The following CBX7 variants were observed in gnomAD, a reference collection of about 807,000 sequenced individuals.
CBX7 encodes the protein chromobox 7, also known as chromobox protein homolog 7.
A neutral mutation model predicts 31.4 loss-of-function variants in CBX7; 14 were observed. The ratio of observed to expected loss-of-function variants is 0.45; its 90% confidence interval spans 0.29 to 0.70. The LOEUF is 0.70. CBX7 is among the 30% of genes least tolerant of loss of function. The pLI is 0.11. For synonymous variants in CBX7, 159 were observed against 152.6 expected (o/e 1.04, Z -0.31); for missense variants, 269 against 351.9 (o/e 0.76, Z 1.89).
rs182470529 is a variant in CBX7 at position 39,141,742 on chromosome 22, C to T, written c.114-306G>A. Among the ~76,000 whole-genome samples, 67 of 144,062 alleles carry T rather than the reference C, an allele frequency of 4.7e-4. 1 individual carries two copies. The highest frequency in any genetic ancestry group is 1.7e-3 in the African/African-American group (66 of 38,314). 94.5% of individuals were successfully genotyped at this position (144,062 alleles called of 152,430 possible). A position where few individuals can be genotyped will look rare whatever the true frequency, so the allele number is the denominator to read the frequency against. The stretch of plus-strand genomic sequence containing the variant: ...CCAGCCTGGGTGACAGAGTAAGACT[C>T]TAAAAAAAAAAAAAAAAGGTCAGAG... On this transcript the variant is annotated intron_variant, in intron 2 of 5. Coordinates refer to ENST00000216133, the MANE Select transcript of CBX7 (RefSeq NM_175709.5).
At chr22:39,138,748 A>G in intron 3 of CBX7, 46 bp from the exon 4 acceptor site, 2 of 1,576,860 alleles carry the variant, frequency 1.3e-6, no homozygotes, top group Non-Finnish European at 1.7e-6. Flanking sequence ...CACTGGTGAC[A>G]TCTAAGGGAA....
intron 2 of CBX7, among the ~76,000 whole-genome samples, chr22:39,143,569 G>GT (rs1290383200): frequency 3.3e-5 from 5 of 152,206 alleles, no homozygotes; most frequent in African/African-American, 9.7e-5. Flanking sequence ...TTAGTGTAGC[G>GT]TAAGTGTACA....
At chr22:39,146,818 T>G (rs919804285) in intron 2 of CBX7, among the ~76,000 whole-genome samples, 4 of 152,098 alleles carry the variant, frequency 2.6e-5, no homozygotes, top group African/African-American at 9.7e-5. Flanking sequence ...GGAGAACCAT[T>G]CACAAGTGGG....
chr22:39,142,286 G>GCAAA (rs1930487123), intron 2 of CBX7, among the ~76,000 whole-genome samples: 11 of 152,176 alleles, frequency 7.2e-5, no homozygotes, highest in Admixed American at 7.2e-4. Context: ...TGCTGCTGTT[G>GCAAA]CTGTTCCTCC....
chr22:39,139,005 C>T (rs763125573), intron 3 of CBX7, among the ~76,000 whole-genome samples: 5 of 152,350 alleles, frequency 3.3e-5, no homozygotes, highest in Admixed American at 1.3e-4. Flanking sequence ...CTCTGCTCTA[C>T]GTGCTCCTAA....
chr22:39,147,086 C>CTTTTTTTT lies in CBX7; in HGVS notation c.113+2695_113+2702dup, dbSNP rs34901545. The stretch of plus-strand genomic sequence containing the variant: ...GCCTAGGCCTGGCACAAAGTGTCCA[C>CTTTTTTTT]TTTTTTTTTTTTTTTTTTTTTTTTT... On this transcript the variant is annotated intron_variant, in intron 2 of 5. Transcript: ENST00000216133. The CTTTTTTTT allele has an allele frequency of 7.1e-4, 44 of 62,344 alleles. 2 individuals are homozygous for CTTTTTTTT. Among genetic ancestry groups the CTTTTTTTT allele is most frequent in the African/African-American group, 2.8e-3 (36 of 13,036 alleles). 3.9% of individuals were successfully genotyped at this position (62,344 alleles called of 1,614,324 possible). A position where few individuals can be genotyped will look rare whatever the true frequency, so the allele number is the denominator to read the frequency against.
At chr22:39,148,055 A>C (rs2146370714) in intron 2 of CBX7, 2 of 152,384 alleles carry the variant, frequency 1.3e-5, no homozygotes, top group Admixed American at 1.3e-4. Context: ...GCAGAGACCC[A>C]GCCATGGTGG....
chr22:39,146,336 A>G (rs1930660710), intron 2 of CBX7, among the ~76,000 whole-genome samples: 1 of 152,238 alleles, frequency 6.6e-6, no homozygotes, highest in African/African-American at 2.4e-5. Flanking sequence ...GCCTGGGTGG[A>G]GACAGCTCCC....
intron 4 of CBX7, chr22:39,136,514 A>G: frequency 6.6e-6 from 1 of 152,426 alleles, no homozygotes; most frequent in Non-Finnish European, 1.5e-5. Context: ...CCACATGGTG[A>G]GGACCAGTCC....
In CBX7 at chr22:39,134,437, C is replaced by T. The variant is rs769000260; in HGVS notation, c.562G>A (p.Glu188Lys). ...GGGGGCTGCGCAGCAGGCTCCCACT[C>T]GCCAGCCGCCTGCAGGACGTCTGGG... is the stretch of plus-strand genomic sequence containing the variant. ...PAPDVLQAAG[E>K]WEPAAQPPEE... is the part of the protein sequence containing the mutation. Residue 188 changes from glutamate to lysine, a missense_variant, in exon 5 of 6, where the codon GAG (glutamate) becomes AAG (lysine). Glu to Lys is a moderately conservative substitution (Grantham distance 56). Around this residue, in one of 2 missense-constraint regions of CBX7, gnomAD observed 222 missense variants for 240.4 expected, o/e 0.92. Transcript: ENST00000216133. 3.7e-6 allele frequency: 6 copies of T among 1,603,764 alleles called. No individual in the cohort carries two copies. Among genetic ancestry groups the T allele is most frequent in the South Asian group, 1.1e-5 (1 of 90,956 alleles).
intron 4 of CBX7, among the ~76,000 whole-genome samples, chr22:39,138,049 C>T (rs1034744991): frequency 3.9e-5 from 6 of 152,058 alleles, no homozygotes; most frequent in African/African-American, 1.4e-4. Flanking sequence ...GGCGTGGTGG[C>T]GGGCGCCTGT....
rs1362578733 is a variant in CBX7, at chr22:39,152,638, A to T, written c.-194T>A. On this transcript the variant is annotated 5_prime_UTR_variant, in exon 1 of 6. The change creates a new upstream start codon in the 5' untranslated region. Coordinates refer to ENST00000216133, the MANE Select transcript of CBX7 (RefSeq NM_175709.5). The surrounding 1 kb of genome is among the most constrained non-coding windows in gnomAD (Gnocchi z 4.9). ...GACGTTCCATTTTTGAACCTGCGCA[A>T]CGTTTTCCTCGGCGCCAGCGAGCGA... 1 of 149,578 alleles carries T rather than the reference A, an allele frequency of 6.7e-6. No individual in the cohort carries two copies. The highest frequency in any genetic ancestry group is 2.4e-5 in the African/African-American group (1 of 40,930). 9.3% of individuals were successfully genotyped at this position (149,578 alleles called of 1,614,324 possible). A position where few individuals can be genotyped will look rare whatever the true frequency, so the allele number is the denominator to read the frequency against.
At chr22:39,150,186 A>G (rs1930802022) in intron 1 of CBX7, among the ~76,000 whole-genome samples, 1 of 152,226 alleles carries the variant, frequency 6.6e-6, no homozygotes, top group Non-Finnish European at 1.5e-5. Context: ...CTAGAGCCCC[A>G]GTGCACAGGT....
At chr22:39,134,937 C>T in intron 4 of CBX7, 185 bp from the exon 5 acceptor site, 1 of 572,860 alleles carries the variant, frequency 1.7e-6, no homozygotes, top group Non-Finnish European at 3.1e-6. Flanking sequence ...CCCGGGCAAC[C>T]CCAGGGTCGG....
Position 39,145,480 on chromosome 22 carries a change from C to T in CBX7, c.114-4044G>A, listed in dbSNP as rs367979402. Among the ~76,000 whole-genome samples, 5 of 152,168 alleles carry T rather than the reference C, an allele frequency of 3.3e-5. No homozygotes were observed. In the East Asian group the frequency reaches 9.7e-4, roughly 29 times the overall value. On this transcript the variant is annotated intron_variant, in intron 2 of 5. Coordinates refer to ENST00000216133, the MANE Select transcript of CBX7 (RefSeq NM_175709.5). ...CCCGCAAGTCCCAGGACACCCTTCCCACACCAGGGGAGGGAGAGTGGAAAG... is the reference window on the plus strand; with the variant it reads ...CCCGCAAGTCCCAGGACACCCTTCCTACACCAGGGGAGGGAGAGTGGAAAG...
chr22:39,152,303 G>T lies in CBX7; in HGVS notation c.69+73C>A. 1 of 1,028,258 alleles carries T rather than the reference G, an allele frequency of 9.7e-7. No individual in the cohort carries two copies. 63.7% of individuals were successfully genotyped at this position (1,028,258 alleles called of 1,614,324 possible). A position where few individuals can be genotyped will look rare whatever the true frequency, so the allele number is the denominator to read the frequency against. On this transcript the variant is annotated intron_variant, in intron 1 of 5. Transcript: ENST00000216133. This position sits in a 1 kb window ranked among gnomAD's most constrained non-coding sequence, Gnocchi z 4.9. ...CGCCCCGCTTTCCCCTTCAGCCCCAGCGTGGAGGGAGCGGTGCTGGGGACG... is the reference window on the plus strand; with the variant it reads ...CGCCCCGCTTTCCCCTTCAGCCCCATCGTGGAGGGAGCGGTGCTGGGGACG...
Position 39,132,439 on chromosome 22 carries a change from G to C in CBX7, c.*1452C>G, listed in dbSNP as rs1930078480. The stretch of plus-strand genomic sequence containing the variant: ...ATGCTCCCCTTGGGCCCCCCAATCT[G>C]GTTTTGTCTCCCCTACAGGACTGGA... On this transcript the variant is annotated 3_prime_UTR_variant, in exon 6 of 6. Transcript: ENST00000216133. 1 of 152,494 alleles carries C rather than the reference G, an allele frequency of 6.6e-6. No individual in the cohort carries two copies. The highest frequency in any genetic ancestry group is 6.5e-5 in the Admixed American group (1 of 15,278). 9.4% of individuals were successfully genotyped at this position (152,494 alleles called of 1,614,324 possible).
In CBX7 at chr22:39,134,245, G is replaced by A. The variant is rs1214487572; in HGVS notation, c.598+156C>T. ...GACAAGAGCTCAGCCAGAGCGGGAC[G>A]ACAGGAGGAGCCCTGGGCTAGTGTT... On this transcript the variant is annotated intron_variant, in intron 5 of 5. Coordinates refer to ENST00000216133, the MANE Select transcript of CBX7 (RefSeq NM_175709.5). 1.4e-5 allele frequency: 12 copies of A among 851,082 alleles called. No individual in the cohort carries two copies. The East Asian group carries it at 1.9e-4, about 13-fold the overall frequency. The allele number at this position is 851,082 out of a possible 1,614,324, so 52.7% of individuals were successfully genotyped here.
intron 2 of CBX7, among the ~76,000 whole-genome samples, chr22:39,143,146 C>A (rs769042689): frequency 6.6e-6 from 1 of 151,892 alleles, no homozygotes; most frequent in Non-Finnish European, 1.5e-5. Flanking sequence ...CCCAGCTACT[C>A]GGGAGGCTGA....
Sources: gnomAD v4.1 joint callset for allele counts (sites outside exome capture counted in the v4.1 genomes callset) on GRCh38, gnomAD v4.1.1 for gene constraint, gnomAD v4.1.1 regional missense constraint, Gnocchi (gnomAD v3.1) non-coding constraint, MANE v1.5 for transcripts, NCBI Gene and HGNC (gene_info 2026-07-23, HGNC 2026-07-21) for gene names.